NOB1: variants seen among roughly 807,000 people sequenced by gnomAD.
NOB1 encodes the protein RNA-binding protein NOB1.
A neutral mutation model predicts 44.8 loss-of-function variants in NOB1; 44 were observed. The observed-to-expected ratio is 0.98, with a 90% CI of 0.77 to 1.26. The LOEUF (loss-of-function observed/expected upper bound fraction) is 1.26. NOB1 is among the 50% of genes most tolerant of loss of function. NOB1 has a pLI of 0.00. For missense variants in NOB1, 560 were observed against 544.8 expected (o/e 1.03, Z -0.28); for synonymous variants, 238 against 218.7 (o/e 1.09, Z -0.78).
At position 69,754,801 on chromosome 16, in the gene NOB1, G is replaced by A. The variant is rs1343617168; in HGVS notation, c.63+47C>T. On this transcript the variant is annotated intron_variant, in intron 1 of 8. Transcript: ENST00000268802. ...CGCGCGACTCCACGCACTCCGGGAG[G>A]GGCGGCCAGCCCAGATCTCTCTCGT... 3 of 1,609,708 alleles carry A rather than the reference G, an allele frequency of 1.9e-6. No individual in the cohort carries two copies. In the South Asian group the frequency reaches 3.3e-5, roughly 18 times the overall value.
intron 8 of NOB1, among the ~76,000 whole-genome samples, 200 bp from the exon 9 acceptor site, chr16:69,742,801 C>T (rs906574840): frequency 1.4e-4 from 22 of 152,222 alleles, no homozygotes; most frequent in Non-Finnish European, 1.6e-4. Context: ...CACGAAAAAC[C>T]GAACACGGTA....
intron 8 of NOB1, 138 bp downstream of exon 8, chr16:69,744,735 T>C (rs2151752760): frequency 3.2e-6 from 3 of 927,844 alleles, no homozygotes; most frequent in Admixed American, 2.6e-5. Flanking sequence ...TCACACACTC[T>C]CCCCACTCCG....
In NOB1 at chr16:69,749,681, C is replaced by T. The variant is rs755665718; in HGVS notation, c.328-51G>A. 1.3e-4 allele frequency: 195 copies of T among 1,477,644 alleles called. 1 individual carries two copies. In the South Asian group the frequency reaches 2.3e-3, roughly 18 times the overall value. The allele number at this position is 1,477,644 out of a possible 1,614,324, so 91.5% of individuals were successfully genotyped here. On this transcript the variant is annotated intron_variant, in intron 3 of 8. Coordinates refer to ENST00000268802, the MANE Select transcript of NOB1 (RefSeq NM_014062.3). The stretch of plus-strand genomic sequence containing the variant: ...CTCTTGTTATCAAAATTAAAGATAT[C>T]CAGTTTTTTTTTTTGGCCGGGCACG...
At chr16:69,744,817 C>T in intron 8 of NOB1, 56 bp downstream of exon 8, 1 of 1,578,702 alleles carries the variant, frequency 6.3e-7, no homozygotes, top group Non-Finnish European at 8.6e-7. Context: ...TTCTTTTGTC[C>T]TTTCTGTTCT....
In NOB1 at chr16:69,742,256, C is replaced by A; in HGVS notation, c.*76G>T. On this transcript the variant is annotated 3_prime_UTR_variant, in exon 9 of 9. Coordinates refer to ENST00000268802, the MANE Select transcript of NOB1 (RefSeq NM_014062.3). Reference sequence around the variant, plus strand: ...TTCCATCGGGTGGTCCTGGAGACGACACGGCTGGGGAAATGGGTCACCGGA... The same window carrying A: ...TTCCATCGGGTGGTCCTGGAGACGAAACGGCTGGGGAAATGGGTCACCGGA... 1 of 1,551,860 alleles carries A rather than the reference C, an allele frequency of 6.4e-7. No individual in the cohort carries two copies. Among genetic ancestry groups the A allele is most frequent in the Non-Finnish European group, 8.7e-7 (1 of 1,143,534 alleles).
In NOB1 at chr16:69,754,856, C is replaced by T; in HGVS notation, c.55G>A (p.Ala19Thr). Residue 19 changes from alanine (A) to threonine (T), a missense_variant, in exon 1 of 9, where the codon GCT becomes ACT. Physicochemically the swap from Ala to Thr is moderately conservative, Grantham distance 58. Transcript: ENST00000268802. ...ADAGAFLRHA[A>T]LQDIGKNIYT... ...GAGGGAGCTCCCCGTACCTGCAGAG[C>T]CGCATGCCGCAGGAAAGCCCCAGCA... 1.3e-6 allele frequency: 2 copies of T among 1,598,808 alleles called. No homozygotes were observed. The highest frequency in any genetic ancestry group is 1.7e-6 in the Non-Finnish European group (2 of 1,173,612).
At chr16:69,754,765 A>C (rs2038511896) in intron 1 of NOB1, 39 bp from the exon 2 acceptor site, 1 of 1,613,296 alleles carries the variant, frequency 6.2e-7, no homozygotes. Context: ...CACCCGCACC[A>C]AGCAACGCTC....
intron 7 of NOB1, among the ~76,000 whole-genome samples, chr16:69,747,357 G>T (rs906356400): frequency 7.9e-5 from 12 of 151,978 alleles, no homozygotes; most frequent in Non-Finnish European, 1.6e-4. Context: ...GGGCAACATC[G>T]TGAGACCTCG....
intron 2 of NOB1, among the ~76,000 whole-genome samples, chr16:69,754,117 C>T (rs926088657): frequency 3.3e-5 from 5 of 152,240 alleles, no homozygotes; most frequent in African/African-American, 1.2e-4. Context: ...TTTTCTTTCA[C>T]ATTTAATACA....
rs2038414466 is a variant in NOB1 at position 69,744,740 on chromosome 16, A to G, written c.969+133T>C. ...ATGGCATCTGTCACACACTCTCCCC[A>G]CTCCGTCTTGGTACCTAGGTCACAG... On this transcript the variant is annotated intron_variant, in intron 8 of 8. Coordinates refer to ENST00000268802, the MANE Select transcript of NOB1 (RefSeq NM_014062.3). 3.0e-6 allele frequency: 3 copies of G among 990,676 alleles called. No individual in the cohort carries two copies. In the Admixed American group the frequency reaches 7.4e-5, roughly 25 times the overall value. 61.4% of individuals were successfully genotyped at this position (990,676 alleles called of 1,614,324 possible).
At position 69,745,024 on chromosome 16, in the gene NOB1, G is replaced by A. The variant is rs779735281; in HGVS notation, c.825-7C>T. 6 of 1,613,800 alleles carry A rather than the reference G, an allele frequency of 3.7e-6. No homozygotes were observed. The highest frequency in any genetic ancestry group is 5.1e-6 in the Non-Finnish European group (6 of 1,179,876). On this transcript the variant is annotated splice_region_variant and splice_polypyrimidine_tract_variant and intron_variant, in intron 7 of 8. Coordinates refer to ENST00000268802, the MANE Select transcript of NOB1 (RefSeq NM_014062.3). ...GCTCATGTCAGACGTTGTCCTGGGA[G>A]ACACAAAAGGAGATGATCTGTACCA...
chr16:69,749,986 A>C (rs2038469254), intron 3 of NOB1, among the ~76,000 whole-genome samples: 1 of 142,522 alleles, frequency 7.0e-6, no homozygotes, highest in Admixed American at 7.7e-5. Flanking sequence ...CTCAAAAAAA[A>C]AAAAGGATAC....
At chr16:69,743,362 A>C (rs2038401148) in intron 8 of NOB1, among the ~76,000 whole-genome samples, 1 of 152,248 alleles carries the variant, frequency 6.6e-6, no homozygotes. Flanking sequence ...GTTCAACGAG[A>C]AATAATATAT....
At position 69,754,734 on chromosome 16, in the gene NOB1, C is replaced by T. The variant is rs2038511429; in HGVS notation, c.64-8G>A. ...AATGTTCTTCCCGATGTCCTGCGGA[C>T]AGAACGCCCCAGCTCAGACCCACCC... is the stretch of plus-strand genomic sequence containing the variant. On this transcript the variant is annotated splice_region_variant and splice_polypyrimidine_tract_variant and intron_variant, in intron 1 of 8. Coordinates refer to ENST00000268802, the MANE Select transcript of NOB1 (RefSeq NM_014062.3). 2 of 1,613,962 alleles carry T rather than the reference C, an allele frequency of 1.2e-6. No homozygotes were observed. Among genetic ancestry groups the T allele is most frequent in the African/African-American group, 1.3e-5 (1 of 74,954 alleles).
In NOB1 at chr16:69,749,067, C is replaced by A. The variant is rs764295087; in HGVS notation, c.577G>T (p.Gly193Trp). The A allele has an allele frequency of 1.2e-6, 2 of 1,614,128 alleles. No homozygotes were observed. The highest frequency in any genetic ancestry group is 1.7e-6 in the Non-Finnish European group (2 of 1,180,058). ...CTGTCATCTTTTCTGTCTTCAAACC[C>A]GTTTTCTTCCTCCTCCTCCTCCTCA... ...PSEEEEEEEN[G>W]FEDRKDDSDD... The change falls in exon 6 of 9, where the codon GGG becomes TGG. Residue 193 changes from glycine (G) to tryptophan (W), a missense_variant. Gly to Trp is a radical substitution (Grantham distance 184, BLOSUM62 -2). Transcript: ENST00000268802.
At chr16:69,753,606 G>C (rs941024669) in intron 2 of NOB1, among the ~76,000 whole-genome samples, 4 of 152,200 alleles carry the variant, frequency 2.6e-5, no homozygotes, top group Admixed American at 1.3e-4. Context: ...GATTTAGTAA[G>C]TTGGCAAAGA....
In NOB1 at chr16:69,748,220, C is replaced by T. The variant is rs760506859; in HGVS notation, c.824+12G>A. 8.1e-5 allele frequency: 130 copies of T among 1,604,760 alleles called. No individual in the cohort carries two copies. The highest frequency in any genetic ancestry group is 1.1e-4 in the Non-Finnish European group (127 of 1,172,050). ...CACAGAGGGCACCAGGGCCAGGGCACCAGCTACATACTTGAAACAGCCATG... is the reference window on the plus strand; with the variant it reads ...CACAGAGGGCACCAGGGCCAGGGCATCAGCTACATACTTGAAACAGCCATG... On this transcript the variant is annotated intron_variant, in intron 7 of 8. Coordinates refer to ENST00000268802, the MANE Select transcript of NOB1 (RefSeq NM_014062.3).
In NOB1 at chr16:69,742,446, C is replaced by A; in HGVS notation, c.1125G>T (p.Glu375Asp). 1 of 1,614,246 alleles carries A rather than the reference C, an allele frequency of 6.2e-7. No homozygotes were observed. The highest frequency in any genetic ancestry group is 8.5e-7 in the Non-Finnish European group (1 of 1,180,052). Residue 375 changes from glutamate (E) to aspartate (D), a missense_variant, in exon 9 of 9, where the codon GAG becomes GAT. Coordinates refer to ENST00000268802, the MANE Select transcript of NOB1 (RefSeq NM_014062.3). ...TAGCTGAGCGGCTGGAGATGTCATT[C>A]TCGACAAAGGGTGACACCCCGGCGA... ...DYIAGVSPFV[E>D]NDISSRSATL...
At chr16:69,748,701 A>G in intron 6 of NOB1, 1 of 545,512 alleles carries the variant, frequency 1.8e-6, no homozygotes, top group Non-Finnish European at 3.2e-6. Flanking sequence ...AATCATAAAT[A>G]GTAAACGTTA....
Sources: allele counts gnomAD v4.1 joint callset (sites outside exome capture counted in the v4.1 genomes callset), GRCh38; gene constraint gnomAD v4.1.1; transcripts MANE v1.5; gene names NCBI Gene and HGNC (gene_info 2026-07-23, HGNC 2026-07-21).